Variants in RSRC1 observed in about 807,000 individuals in gnomAD.
RSRC1 encodes the protein serine/Arginine-related protein 53.
RSRC1 carries 39 observed loss-of-function variants against 49.1 expected under a neutral mutation model. The ratio of observed to expected loss-of-function variants is 0.79; its 90% confidence interval spans 0.61 to 1.04. The LOEUF is 1.04. RSRC1 is among the 50% of genes least tolerant of loss of function. The pLI is 0.00. For synonymous variants in RSRC1, 143 were observed against 130.8 expected (o/e 1.09, Z -0.63); for missense variants, 388 against 402.4 (o/e 0.96, Z 0.31).
At chr3:158,313,104 C>A (rs975415956) in intron 5 of RSRC1, among the ~76,000 whole-genome samples, 1 of 152,068 alleles carries the variant, frequency 6.6e-6, no homozygotes, top group Non-Finnish European at 1.5e-5. Context: ...AACCTCCCCC[C>A]TCCCCTCACC....
intron 6 of RSRC1, among the ~76,000 whole-genome samples, chr3:158,394,142 C>T (rs979232626): frequency 5.9e-5 from 9 of 151,662 alleles, no homozygotes; most frequent in African/African-American, 1.7e-4. Context: ...TAGGCATTCA[C>T]GGGATATACC....
chr3:158,525,108 A>G (rs1711925509), intron 7 of RSRC1, among the ~76,000 whole-genome samples: 1 of 152,016 alleles, frequency 6.6e-6, no homozygotes, highest in Admixed American at 6.6e-5. Context: ...ATTCTTTGAA[A>G]GATACCATTA....
chr3:158,142,100 A>AAAAGAAAG (rs970350155), intron 3 of RSRC1, among the ~76,000 whole-genome samples: 2 of 152,092 alleles, frequency 1.3e-5, no homozygotes, highest in Admixed American at 6.6e-5. Context: ...TCCGTCTCAA[A>AAAAGAAAG]AAAGAAAGAA....
chr3:158,149,554 A>G (rs1717391003), intron 3 of RSRC1, among the ~76,000 whole-genome samples: 1 of 152,200 alleles, frequency 6.6e-6, no homozygotes, highest in African/African-American at 2.4e-5. Flanking sequence ...TTAAAGGTGA[A>G]TACATGCACA....
At chr3:158,190,955 C>T (rs955134145) in intron 3 of RSRC1, among the ~76,000 whole-genome samples, 6 of 151,884 alleles carry the variant, frequency 4.0e-5, no homozygotes, top group African/African-American at 1.2e-4. Flanking sequence ...CTTGCTCTGT[C>T]ATGCAGGCTG....
chr3:158,186,132 A>T (rs1271106090), intron 3 of RSRC1, among the ~76,000 whole-genome samples: 1 of 151,976 alleles, frequency 6.6e-6, no homozygotes, highest in Non-Finnish European at 1.5e-5. Flanking sequence ...TTCAAACAAT[A>T]AACGCCGTTT....
chr3:158,422,433 C>G (rs1386403976), intron 6 of RSRC1, among the ~76,000 whole-genome samples: 1 of 151,670 alleles, frequency 6.6e-6, no homozygotes, highest in African/African-American at 2.4e-5. Flanking sequence ...GCATCGTATT[C>G]CATGGTGTAT....
intron 3 of RSRC1, among the ~76,000 whole-genome samples, chr3:158,192,116 A>T (rs188331039): frequency 6.6e-6 from 1 of 152,004 alleles, no homozygotes; most frequent in Non-Finnish European, 1.5e-5. Flanking sequence ...ATCTATAAGC[A>T]TGATTAAGAG....
At chr3:158,513,954 C>T (rs939737866) in intron 7 of RSRC1, among the ~76,000 whole-genome samples, 9 of 152,066 alleles carry the variant, frequency 5.9e-5, no homozygotes, top group African/African-American at 1.4e-4. Context: ...TCTGTGGGAT[C>T]GGTGGTGATA....
In RSRC1 at chr3:158,287,527, T is replaced by C. The variant is rs1470258556; in HGVS notation, c.495-10512T>C. The stretch of plus-strand genomic sequence containing the variant: ...TTATTCTTTTCTTATACCCCAGTTT[T>C]ATTTATAAGGATAAATCAGAAAGAA... On this transcript the variant is annotated intron_variant, in intron 4 of 9. Coordinates refer to ENST00000611884, the MANE Select transcript of RSRC1 (RefSeq NM_001271838.2). Among the ~76,000 whole-genome samples the C allele has an allele frequency of 2.6e-5, 4 of 152,210 alleles. No individual in the cohort carries two copies. The South Asian group carries it at 8.3e-4, about 31-fold the overall frequency.
rs35460810 is a variant in RSRC1 at position 158,147,102 on chromosome 3, C to CTTTTTTTTTTTTTTT, written c.320+23124_320+23138dup. On this transcript the variant is annotated intron_variant, in intron 3 of 9. Coordinates refer to ENST00000611884, the MANE Select transcript of RSRC1 (RefSeq NM_001271838.2). ...CCTTTTCTTTCTTCTGCTTTTCTGC[C>CTTTTTTTTTTTTTTT]TTTTTTTTTTTTTTTTTTTTTTTTT... Among the ~76,000 whole-genome samples the CTTTTTTTTTTTTTTT allele has an allele frequency of 4.6e-4, 16 of 34,738 alleles. 1 individual carries two copies. The highest frequency in any genetic ancestry group is 1.0e-3 in the Admixed American group (2 of 1,962). The allele number at this position is 34,738 out of a possible 152,430, so 22.8% of individuals were successfully genotyped here.
intron 1 of RSRC1, among the ~76,000 whole-genome samples, chr3:158,119,171 T>C (rs1346898711): frequency 2.0e-5 from 3 of 152,074 alleles, no homozygotes; most frequent in Non-Finnish European, 2.9e-5. Context: ...AATCAATTTT[T>C]TTTTTGTTTT....
chr3:158,428,791 G>A (rs1414382617), intron 6 of RSRC1, among the ~76,000 whole-genome samples: 1 of 151,838 alleles, frequency 6.6e-6, no homozygotes, highest in Non-Finnish European at 1.5e-5. Context: ...GTATTCACAT[G>A]CAGTTTTTTT....
intron 5 of RSRC1, among the ~76,000 whole-genome samples, chr3:158,338,370 G>C (rs1730035016): frequency 6.6e-6 from 1 of 152,138 alleles, no homozygotes; most frequent in South Asian, 2.1e-4. Flanking sequence ...CTAGAGGCAA[G>C]ATAAATCTAC....
chr3:158,231,040 G>C (rs568415216), intron 4 of RSRC1, among the ~76,000 whole-genome samples: 4 of 150,772 alleles, frequency 2.7e-5, no homozygotes, highest in Non-Finnish European at 5.9e-5. Context: ...GCCTATTCTC[G>C]TGTTTAGCAC....
In RSRC1 at chr3:158,177,317, A is replaced by G. The variant is rs543177045; in HGVS notation, c.321-25755A>G. ...ATATATACCCAAAGGATTATAAATC[A>G]TGCTGCTATAAAAACACATGCACAC... is the stretch of plus-strand genomic sequence containing the variant. On this transcript the variant is annotated intron_variant, in intron 3 of 9. Transcript: ENST00000611884. Among the ~76,000 whole-genome samples, 5 of 152,364 alleles carry G rather than the reference A, an allele frequency of 3.3e-5. No individual in the cohort carries two copies. The East Asian group carries it at 9.6e-4, about 29-fold the overall frequency.
rs1322548809 is a variant in RSRC1, at chr3:158,464,640, C to T, written c.652+3637C>T. ...TTGACAAGAAGTAAAATATATTAGC[C>T]TTAATTTTATTTTTCTTTTTTCTTT... On this transcript the variant is annotated intron_variant, in intron 7 of 9. Coordinates refer to ENST00000611884, the MANE Select transcript of RSRC1 (RefSeq NM_001271838.2). Among the ~76,000 whole-genome samples the T allele has an allele frequency of 2.0e-5, 3 of 152,052 alleles. No individual in the cohort carries two copies. The East Asian group carries it at 5.8e-4, about 29-fold the overall frequency.
chr3:158,292,174 G>A (rs993224655), intron 4 of RSRC1, among the ~76,000 whole-genome samples: 3 of 152,134 alleles, frequency 2.0e-5, no homozygotes, highest in Non-Finnish European at 4.4e-5. Context: ...AGAGCCTTGT[G>A]TTATGCCAAC....
intron 4 of RSRC1, among the ~76,000 whole-genome samples, chr3:158,242,132 A>G (rs1029375984): frequency 6.9e-6 from 1 of 145,696 alleles, no homozygotes; most frequent in South Asian, 2.1e-4. Flanking sequence ...TTAGCTGCAC[A>G]GATCATCTCA....
Sources: gnomAD v4.1 joint callset for allele counts (sites outside exome capture counted in the v4.1 genomes callset) on GRCh38, gnomAD v4.1.1 for gene constraint, MANE v1.5 for transcripts, NCBI Gene and HGNC (gene_info 2026-07-23, HGNC 2026-07-21) for gene names.